RTN4: variants seen among roughly 807,000 people sequenced by gnomAD.
RTN4 encodes the protein reticulon 4, also known as reticulon-4.
RTN4 carries 32 observed loss-of-function variants against 90.4 expected under a neutral mutation model. The observed-to-expected ratio is 0.35, with a 90% CI of 0.27 to 0.48. The LOEUF is 0.48. RTN4 is among the 20% of genes least tolerant of loss of function. The probability of loss-of-function intolerance (pLI) is 0.99; values close to 1 mark genes in which losing one functional copy is unlikely to be tolerated. For synonymous variants in RTN4, 629 were observed against 552.5 expected, an observed-to-expected ratio of 1.14 and a Z score of -1.94; for missense variants, 1,706 against 1,430.2, an observed-to-expected ratio of 1.19 and a Z score of -3.11.
At chr2:55,044,391 A>AAAAGAAACAAAC (rs935151795) in intron 1 of RTN4, among the ~76,000 whole-genome samples, 3 of 151,798 alleles carry the variant, frequency 2.0e-5, no homozygotes, top group African/African-American at 7.3e-5. Context: ...ACTCTGTCTC[A>AAAAGAAACAAAC]AAAGAAACAA....
intron 1 of RTN4, among the ~76,000 whole-genome samples, chr2:55,097,216 T>C (rs1667752657): frequency 6.6e-6 from 1 of 151,004 alleles, no homozygotes; most frequent in African/African-American, 2.4e-5. Context: ...AAAGGAGGAT[T>C]GCTTGAGCCC....
rs71410416 is a variant in RTN4 at position 55,066,169 on chromosome 2, TTGTGTGTG to T, written c.-63+14312_-63+14319del. 1.3e-4 allele frequency among the ~76,000 whole-genome samples: 19 copies of T among 142,372 alleles called. No homozygotes were observed. The East Asian group carries it at 3.1e-3, about 23-fold the overall frequency. The allele number at this position is 142,372 out of a possible 152,430, so 93.4% of individuals were successfully genotyped here. On this transcript the variant is annotated intron_variant, in intron 2 of 3. Coordinates refer to the RTN4 transcript ENST00000427710. ...AAGTAGTTTGTTAGTATGAACCCAT[TTGTGTGTG>T]TGTGTGTGTGTGTGTTTGTGTGTGT... is the stretch of plus-strand genomic sequence containing the variant.
At chr2:55,039,254 T>A (rs908392973) in intron 1 of RTN4, among the ~76,000 whole-genome samples, 1 of 152,200 alleles carries the variant, frequency 6.6e-6, no homozygotes, top group Non-Finnish European at 1.5e-5. Flanking sequence ...AATTTATGCA[T>A]TTTACTGCAT....
chr2:55,135,036 G>C, the RTN4 span, among the ~76,000 whole-genome samples: 1 of 151,962 alleles, frequency 6.6e-6, no homozygotes, highest in Non-Finnish European at 1.5e-5. Flanking sequence ...GAGGCCAAGG[G>C]GGAAGGATCA....
At chr2:54,976,671 G>A (rs1677661360) in intron 5 of RTN4, among the ~76,000 whole-genome samples, 1 of 152,186 alleles carries the variant, frequency 6.6e-6, no homozygotes, top group African/African-American at 2.4e-5. Flanking sequence ...ACCACCAGGA[G>A]AGAAAGGGGT....
At chr2:55,090,146 G>A (rs1299916674) in intron 1 of RTN4, among the ~76,000 whole-genome samples, 1 of 152,142 alleles carries the variant, frequency 6.6e-6, no homozygotes, top group East Asian at 1.9e-4. Context: ...GCTGTTTTGA[G>A]TGGAAGGATA....
intron 1 of RTN4, among the ~76,000 whole-genome samples, chr2:55,094,256 G>A (rs1196989259): frequency 6.6e-6 from 1 of 152,188 alleles, no homozygotes; most frequent in Non-Finnish European, 1.5e-5. Flanking sequence ...CTGTCTGCAA[G>A]CCAGGAAGAA....
chr2:55,034,695 C>CA (rs1682556723), intron 1 of RTN4, among the ~76,000 whole-genome samples: 1 of 151,884 alleles, frequency 6.6e-6, no homozygotes, highest in African/African-American at 2.4e-5. Context: ...TAAAGAATGG[C>CA]AAAAATGGTA....
At chr2:55,069,373 C>T (rs1360733334) in intron 2 of RTN4, among the ~76,000 whole-genome samples, 3 of 152,122 alleles carry the variant, frequency 2.0e-5, no homozygotes, top group Non-Finnish European at 4.4e-5. Context: ...GTAACCGCCC[C>T]CCTCAAAAAA....
intron 3 of RTN4, among the ~76,000 whole-genome samples, chr2:54,992,673 T>TA (rs1038828540): frequency 2.0e-5 from 3 of 151,300 alleles, no homozygotes; most frequent in East Asian, 1.9e-4. Context: ...GTGTAGCCAT[T>TA]AAAAAAAAGT....
intron 2 of RTN4, among the ~76,000 whole-genome samples, chr2:55,077,756 TACACACAC>T (rs200121610): frequency 2.8e-4 from 40 of 144,464 alleles, no homozygotes; most frequent in African/African-American, 5.4e-4. Context: ...AAATGTTTTA[TACACACAC>T]ACACACACAC....
At chr2:55,024,733 T>A (rs1280523127) in intron 3 of RTN4, among the ~76,000 whole-genome samples, 3 of 151,966 alleles carry the variant, frequency 2.0e-5, no homozygotes, top group Non-Finnish European at 4.4e-5. Context: ...CAAAAACACA[T>A]CTGAAAATAT....
chr2:55,043,338 G>A (rs902673932), intron 1 of RTN4, among the ~76,000 whole-genome samples: 5 of 152,118 alleles, frequency 3.3e-5, no homozygotes. Flanking sequence ...TTCCAGGGAA[G>A]AATCAAGAAA....
At chr2:55,015,177 G>A in intron 3 of RTN4, among the ~76,000 whole-genome samples, 1 of 151,982 alleles carries the variant, frequency 6.6e-6, no homozygotes, top group Non-Finnish European at 1.5e-5. Context: ...ACAGTTGATT[G>A]CCCAGTTCAT....
At chr2:55,027,540 T>C in intron 2 of RTN4, 55 bp from the exon 3 acceptor site, 1 of 1,532,186 alleles carries the variant, frequency 6.5e-7, no homozygotes, top group Non-Finnish European at 8.7e-7. Context: ...TCAGAGTTAA[T>C]GCAAGTTTTA....
the RTN4 span, among the ~76,000 whole-genome samples, chr2:55,131,492 G>T: frequency 6.6e-6 from 1 of 152,254 alleles, no homozygotes; most frequent in South Asian, 2.1e-4. Flanking sequence ...ACAGACGTGA[G>T]CTACTGCACC....
intron 1 of RTN4, among the ~76,000 whole-genome samples, chr2:55,090,909 C>T (rs1668923998): frequency 6.6e-6 from 1 of 152,218 alleles, no homozygotes; most frequent in Non-Finnish European, 1.5e-5. Context: ...TTCTCTCATT[C>T]TCTCTATCCA....
At chr2:55,058,672 G>C (rs1008850961) in intron 2 of RTN4, among the ~76,000 whole-genome samples, 2 of 152,138 alleles carry the variant, frequency 1.3e-5, no homozygotes, top group African/African-American at 4.8e-5. Flanking sequence ...GCAGAAAGAA[G>C]AGGGAAAATA....
chr2:55,054,506 G>T (rs1175206652), upstream of RTN4, among the ~76,000 whole-genome samples: 1 of 152,168 alleles, frequency 6.6e-6, no homozygotes. Flanking sequence ...TTTGCAGAAT[G>T]CTAAATTGAC....
Sources: allele counts gnomAD v4.1 joint callset (sites outside exome capture counted in the v4.1 genomes callset), GRCh38; gene constraint gnomAD v4.1.1; transcripts MANE v1.5; gene names NCBI Gene and HGNC (gene_info 2026-07-23, HGNC 2026-07-21).